SCNN1G: variants seen among roughly 807,000 people sequenced by gnomAD.
SCNN1G encodes sodium channel epithelial 1 subunit gamma.
In SCNN1G, 27 loss-of-function variants were observed where a neutral mutation model predicts 64.6. The observed-to-expected ratio is 0.42, with a 90% CI of 0.31 to 0.58. The LOEUF (loss-of-function observed/expected upper bound fraction) is 0.58. Among genes scored for constraint, SCNN1G ranks in the 20% least tolerant of loss-of-function variants. The pLI is 0.18. For missense variants in SCNN1G, 743 were observed against 823.4 expected (o/e 0.90, Z 1.19); for synonymous variants, 330 against 314.2 (o/e 1.05, Z -0.53).
intron 10 of SCNN1G, 75 bp downstream of exon 10, chr16:23,212,969 T>C (rs1426437837): frequency 3.9e-6 from 6 of 1,547,216 alleles, no homozygotes; most frequent in Non-Finnish European, 4.5e-6. Context: ...CTGTGTCCTC[T>C]GGCCTGGGAC....
At chr16:23,183,479 C>T (rs904643831) in intron 1 of SCNN1G, among the ~76,000 whole-genome samples, 7 of 152,196 alleles carry the variant, frequency 4.6e-5, no homozygotes, top group South Asian at 2.1e-4. Context: ...TCTCTCATCC[C>T]TCTCCAAGCT....
At chr16:23,192,794 A>G (rs1457186567) in intron 4 of SCNN1G, among the ~76,000 whole-genome samples, 1 of 152,126 alleles carries the variant, frequency 6.6e-6, no homozygotes, top group Non-Finnish European at 1.5e-5. Context: ...TTGGCCAGGC[A>G]TGGTGGTTCA....
rs575867112 is a variant in SCNN1G at position 23,202,950 on chromosome 16, G to A, written c.1077+5523G>A. 1.4e-3 allele frequency among the ~76,000 whole-genome samples: 216 copies of A among 152,310 alleles called. 1 individual carries two copies. Among genetic ancestry groups the A allele is most frequent in the Non-Finnish European group, 2.6e-3 (174 of 68,036 alleles). On this transcript the variant is annotated intron_variant, in intron 6 of 12. Coordinates refer to ENST00000300061, the MANE Select transcript of SCNN1G (RefSeq NM_001039.4). ...ATTCATTAGATGCTATGGACCTGGA[G>A]TTAAGGAGAAAACCTTGGGGGGTAA...
intron 1 of SCNN1G, among the ~76,000 whole-genome samples, chr16:23,183,276 C>A (rs150634779): frequency 1.3e-5 from 2 of 152,346 alleles, no homozygotes; most frequent in Non-Finnish European, 2.9e-5. Flanking sequence ...CCGGGGCAGA[C>A]GTGGCTTCCG....
intron 3 of SCNN1G, among the ~76,000 whole-genome samples, chr16:23,191,514 C>A (rs1959708081): frequency 6.6e-6 from 1 of 152,166 alleles, no homozygotes; most frequent in African/African-American, 2.4e-5. Context: ...CAGCCTAGAA[C>A]TCCTGGGCTC....
intron 6 of SCNN1G, among the ~76,000 whole-genome samples, chr16:23,203,115 A>G (rs1013611667): frequency 1.3e-5 from 2 of 152,272 alleles, no homozygotes; most frequent in African/African-American, 4.8e-5. Context: ...AGTTGGCATC[A>G]GATAAATCAA....
At chr16:23,189,970 T>C (rs1449339441) in intron 3 of SCNN1G, among the ~76,000 whole-genome samples, 1 of 151,960 alleles carries the variant, frequency 6.6e-6, no homozygotes, top group Non-Finnish European at 1.5e-5. Flanking sequence ...CTTGGGAAGC[T>C]GAGGCAAGAG....
intron 6 of SCNN1G, among the ~76,000 whole-genome samples, chr16:23,198,581 CA>C (rs1208265629): frequency 1.4e-5 from 2 of 147,462 alleles, no homozygotes; most frequent in Admixed American, 1.4e-4. Context: ...AAACGAAATA[CA>C]AAAAAAATCA....
chr16:23,196,749 A>G (rs1391706166), intron 5 of SCNN1G, among the ~76,000 whole-genome samples: 1 of 152,154 alleles, frequency 6.6e-6, no homozygotes, highest in Non-Finnish European at 1.5e-5. Context: ...CTTAGTTCCC[A>G]TGTGCACTGA....
Position 23,209,810 on chromosome 16 carries a change from C to A in SCNN1G, c.1138C>A (p.Pro380Thr), listed in dbSNP as rs1277252663. 1.2e-6 allele frequency: 2 copies of A among 1,613,968 alleles called. No homozygotes were observed. Among genetic ancestry groups the A allele is most frequent in the Admixed American group, 3.3e-5 (2 of 60,018 alleles). ...GTGCACGGAGGACGGGAGTGACGTG[C>A]CAATCAGGAACATCTACAACGCTGC... is the stretch of plus-strand genomic sequence containing the variant. ...SQCTEDGSDV[P>T]IRNIYNAAYS... The change falls in exon 7 of 13, where the codon CCA becomes ACA. Residue 380 changes from proline to threonine, a missense_variant. By Grantham distance (38) the Pro-to-Thr change is conservative. Transcript: ENST00000300061.
chr16:23,212,986 CA>C (rs778814160), intron 10 of SCNN1G, 92 bp downstream of exon 10: 85 of 1,534,034 alleles, frequency 5.5e-5, no homozygotes, highest in Non-Finnish European at 7.3e-5. Context: ...GGACATGGTC[CA>C]GGGGGAAAAG....
chr16:23,189,230 A>G (rs533296308), intron 2 of SCNN1G, 141 bp from the exon 3 acceptor site: 1 of 851,888 alleles, frequency 1.2e-6, no homozygotes, highest in African/African-American at 1.7e-5. Context: ...CAAGTCATGA[A>G]AGGCGTGGTC....
At chr16:23,189,266 T>G in intron 2 of SCNN1G, 105 bp from the exon 3 acceptor site, 1 of 1,171,976 alleles carries the variant, frequency 8.5e-7, no homozygotes, top group East Asian at 2.3e-5. Context: ...TTGGGAAAGG[T>G]GGGCATGAGG....
At chr16:23,211,922 G>A in intron 7 of SCNN1G, 112 bp from the exon 8 acceptor site, 2 of 812,528 alleles carry the variant, frequency 2.5e-6, no homozygotes, top group Non-Finnish European at 4.4e-6. Flanking sequence ...GCAGGTTCAT[G>A]TGGTTGGCCA....
In SCNN1G at chr16:23,192,554, A is replaced by G. The variant is rs1014663259; in HGVS notation, c.809+12A>G. On this transcript the variant is annotated intron_variant, in intron 4 of 12. Coordinates refer to ENST00000300061, the MANE Select transcript of SCNN1G (RefSeq NM_001039.4). The stretch of plus-strand genomic sequence containing the variant: ...TCCTGTGATGCCAGGTCAGGAGAGA[A>G]TGCTGCTCTCTCAGCCTCTAAGGAC... The G allele has an allele frequency of 6.2e-7, 1 of 1,606,866 alleles. No individual in the cohort carries two copies. The highest frequency in any genetic ancestry group is 8.5e-7 in the Non-Finnish European group (1 of 1,176,068).
chr16:23,197,734 G>A lies in SCNN1G; in HGVS notation c.1077+307G>A, dbSNP rs567985651. Among the ~76,000 whole-genome samples, 13 of 152,196 alleles carry A rather than the reference G, an allele frequency of 8.5e-5. No homozygotes were observed. The South Asian group carries it at 2.7e-3, about 32-fold the overall frequency. On this transcript the variant is annotated intron_variant, in intron 6 of 12. Coordinates refer to ENST00000300061, the MANE Select transcript of SCNN1G (RefSeq NM_001039.4). ...TCTCTACTAAAAATACAAAAAATTA[G>A]TTGGGTATGGTAGTGTGTGCCTGTA...
At chr16:23,213,252 CTTTTT>C (rs376259589) in intron 11 of SCNN1G, 89 bp downstream of exon 11, 23 of 533,760 alleles carry the variant, frequency 4.3e-5, no homozygotes, top group East Asian at 6.4e-5. Context: ...GCCAAATCCT[CTTTTT>C]TTTTTTTTTT....
At chr16:23,202,508 T>C (rs936060062) in intron 6 of SCNN1G, among the ~76,000 whole-genome samples, 1 of 152,198 alleles carries the variant, frequency 6.6e-6, no homozygotes, top group South Asian at 2.1e-4. Context: ...ACAAAGAATG[T>C]AGCAATTACA....
intron 6 of SCNN1G, among the ~76,000 whole-genome samples, chr16:23,199,405 A>G (rs1007453694): frequency 6.6e-6 from 1 of 152,156 alleles, no homozygotes; most frequent in Non-Finnish European, 1.5e-5. Flanking sequence ...ACTAAAAGCA[A>G]TGGTGCAATG....
Sources: gnomAD v4.1 joint callset for allele counts (sites outside exome capture counted in the v4.1 genomes callset) on GRCh38, gnomAD v4.1.1 for gene constraint, MANE v1.5 for transcripts, NCBI Gene and HGNC (gene_info 2026-07-23, HGNC 2026-07-21) for gene names.